Variants in SMCO4 observed in about 807,000 individuals in gnomAD.
SMCO4 encodes the protein single-pass membrane and coiled-coil domain-containing protein 4.
Under a neutral mutation model 3.6 loss-of-function variants are expected in SMCO4, and 4 were observed. The ratio of observed to expected loss-of-function variants is 1.11; its 90% CI spans 0.54 to 2.53. The LOEUF (loss-of-function observed/expected upper bound fraction) is 2.53, where lower values mean the gene tolerates loss of function less well. Ranked by LOEUF, SMCO4 falls within the 30% of genes most tolerant of loss-of-function variation. SMCO4 has a pLI of 0.02. For missense variants in SMCO4, 70 were observed against 80.8 expected (o/e 0.87, Z 0.51); for synonymous variants, 36 against 35.3 (o/e 1.02, Z -0.07).
intron 2 of SMCO4, 59 bp from the exon 3 acceptor site, chr11:93,479,328 A>C: frequency 1.4e-6 from 2 of 1,384,128 alleles, no homozygotes. Flanking sequence ...AAAATAAATC[A>C]CTTAAAGGCA....
intron 2 of SMCO4, among the ~76,000 whole-genome samples, chr11:93,497,326 T>C (rs1391724297): frequency 6.6e-6 from 1 of 152,240 alleles, no homozygotes; most frequent in Non-Finnish European, 1.5e-5. Context: ...CATCATCAGA[T>C]ACAGCTGAAT....
intron 2 of SMCO4, among the ~76,000 whole-genome samples, chr11:93,493,932 T>C (rs774688998): frequency 6.6e-6 from 1 of 152,154 alleles, no homozygotes; most frequent in Non-Finnish European, 1.5e-5. Context: ...CTACATCAGA[T>C]TGTTCTCCCT....
At chr11:93,543,025 C>G (rs1299702546) in intron 1 of SMCO4, among the ~76,000 whole-genome samples, 2 of 151,746 alleles carry the variant, frequency 1.3e-5, no homozygotes, top group Admixed American at 1.3e-4. Flanking sequence ...CGGGATGCAG[C>G]GTCTCGAGCC....
At chr11:93,502,072 C>T (rs1016240153) in intron 1 of SMCO4, among the ~76,000 whole-genome samples, 1 of 151,954 alleles carries the variant, frequency 6.6e-6, no homozygotes, top group Non-Finnish European at 1.5e-5. Flanking sequence ...TAGCCTTTCC[C>T]ACGGCTGATC....
chr11:93,521,558 C>T (rs1237881372), intron 1 of SMCO4, among the ~76,000 whole-genome samples: 1 of 152,178 alleles, frequency 6.6e-6, no homozygotes, highest in Non-Finnish European at 1.5e-5. Flanking sequence ...AGAATTCAAA[C>T]ACAGGTTTCT....
chr11:93,505,856 A>AATGATG lies in SMCO4; in HGVS notation c.-153-6514_-153-6509dup, dbSNP rs61060663. Among the ~76,000 whole-genome samples the AATGATG allele has an allele frequency of 3.9e-3, 585 of 149,754 alleles. 2 individuals are homozygous for AATGATG. Among genetic ancestry groups the AATGATG allele is most frequent in the African/African-American group, 0.013 (542 of 40,554 alleles). On this transcript the variant is annotated intron_variant, in intron 1 of 2. Coordinates refer to ENST00000298966, the MANE Select transcript of SMCO4 (RefSeq NM_020179.3). ...AAAGAAAAATGTATTAAGCCCTTGC[A>AATGATG]ATGATGATGATGATGATGATGATGA...
chr11:93,531,713 A>G (rs1450893030), intron 1 of SMCO4, among the ~76,000 whole-genome samples: 4 of 152,192 alleles, frequency 2.6e-5, no homozygotes, highest in Non-Finnish European at 4.4e-5. Flanking sequence ...CCACAGTTTT[A>G]AAAAAAGGCA....
intron 1 of SMCO4, among the ~76,000 whole-genome samples, chr11:93,501,734 A>T (rs1948840396): frequency 6.6e-6 from 1 of 152,130 alleles, no homozygotes; most frequent in Admixed American, 6.5e-5. Flanking sequence ...TTCTAATCTA[A>T]GCACATCTTT....
At chr11:93,536,706 G>A (rs919218340) in intron 1 of SMCO4, among the ~76,000 whole-genome samples, 2 of 152,196 alleles carry the variant, frequency 1.3e-5, no homozygotes, top group Non-Finnish European at 2.9e-5. Flanking sequence ...AATGTGACAA[G>A]TCTGCTGTGT....
At chr11:93,541,489 T>C (rs1949270611) in intron 1 of SMCO4, among the ~76,000 whole-genome samples, 1 of 152,128 alleles carries the variant, frequency 6.6e-6, no homozygotes, top group Non-Finnish European at 1.5e-5. Flanking sequence ...AAACCTATAA[T>C]ATTATGCAAT....
intron 1 of SMCO4, among the ~76,000 whole-genome samples, chr11:93,514,802 A>G (rs963059320): frequency 4.6e-5 from 7 of 152,196 alleles, no homozygotes; most frequent in Non-Finnish European, 1.0e-4. Context: ...GCATTTGTTC[A>G]GCATCTACCA....
At chr11:93,522,862 G>A (rs1949071017) in intron 1 of SMCO4, among the ~76,000 whole-genome samples, 1 of 152,112 alleles carries the variant, frequency 6.6e-6, no homozygotes, top group Non-Finnish European at 1.5e-5. Context: ...ACCACACTGA[G>A]GACAAGAATC....
chr11:93,500,498 A>G lies in SMCO4; in HGVS notation c.-153-1150T>C, dbSNP rs184843348. 5.9e-5 allele frequency among the ~76,000 whole-genome samples: 9 copies of G among 152,268 alleles called. No homozygotes were observed. The East Asian group carries it at 1.4e-3, about 23-fold the overall frequency. On this transcript the variant is annotated intron_variant, in intron 1 of 2. Coordinates refer to ENST00000298966, the MANE Select transcript of SMCO4 (RefSeq NM_020179.3). ...ACCTACTGTGGGGATTTAAGAACCTAATGTCTTATAGCCTCTTCTACTAGG... is the reference window on the plus strand; with the variant it reads ...ACCTACTGTGGGGATTTAAGAACCTGATGTCTTATAGCCTCTTCTACTAGG...
chr11:93,483,506 G>A (rs1948614864), intron 2 of SMCO4, among the ~76,000 whole-genome samples: 1 of 152,228 alleles, frequency 6.6e-6, no homozygotes, highest in African/African-American at 2.4e-5. Flanking sequence ...GGGAAGCCAG[G>A]TGGGAGAGAG....
chr11:93,511,629 G>C (rs1345611725), intron 1 of SMCO4, among the ~76,000 whole-genome samples: 1 of 152,144 alleles, frequency 6.6e-6, no homozygotes, highest in East Asian at 1.9e-4. Context: ...AGCGCACCTT[G>C]GGATGAAACT....
intron 1 of SMCO4, among the ~76,000 whole-genome samples, chr11:93,535,153 G>A (rs1949206935): frequency 1.3e-5 from 2 of 152,194 alleles, no homozygotes; most frequent in Admixed American, 1.3e-4. Flanking sequence ...CAGATGAAAG[G>A]TTTGGAGAAA....
At chr11:93,503,550 A>G (rs1948868084) in intron 1 of SMCO4, among the ~76,000 whole-genome samples, 1 of 152,228 alleles carries the variant, frequency 6.6e-6, no homozygotes, top group Non-Finnish European at 1.5e-5. Flanking sequence ...TGATTAAGTC[A>G]AGAATTGTGA....
At chr11:93,524,806 C>T (rs745851757) in intron 1 of SMCO4, among the ~76,000 whole-genome samples, 13 of 152,192 alleles carry the variant, frequency 8.5e-5, no homozygotes, top group East Asian at 1.9e-4. Flanking sequence ...TGTTAACTCA[C>T]AGATCTCGCC....
At chr11:93,547,359 G>A (rs1355658968), upstream of SMCO4, among the ~76,000 whole-genome samples, 1 of 152,170 alleles carries the variant, frequency 6.6e-6, no homozygotes. Context: ...CCAAAGAAGG[G>A]AAAGTTGATC....
Sources: gnomAD v4.1 joint callset for allele counts (sites outside exome capture counted in the v4.1 genomes callset) on GRCh38, gnomAD v4.1.1 for gene constraint, MANE v1.5 for transcripts, NCBI Gene and HGNC (gene_info 2026-07-23, HGNC 2026-07-21) for gene names.